SEC22C: variants seen among roughly 807,000 people sequenced by gnomAD.
SEC22C encodes the protein SEC22 homolog C, vesicle trafficking protein.
In SEC22C, 29 loss-of-function variants were observed where a neutral mutation model predicts 34.7. The observed-to-expected ratio is 0.84, with a 90% CI of 0.62 to 1.14. The LOEUF (loss-of-function observed/expected upper bound fraction) is 1.14. Among genes scored for constraint, SEC22C ranks in the 50% most tolerant of loss-of-function variants. The pLI, the probability that SEC22C is intolerant of heterozygous loss-of-function variation, is 0.00. For synonymous variants in SEC22C, 117 were observed against 132.8 expected (o/e 0.88, Z 0.82); for missense variants, 337 against 369.0 (o/e 0.91, Z 0.71).
chr3:42,585,209 A>G (rs916850780), upstream of SEC22C, among the ~76,000 whole-genome samples: 1 of 152,256 alleles, frequency 6.6e-6, no homozygotes, highest in African/African-American at 2.4e-5. Flanking sequence ...CGAGTGCTTT[A>G]GAACAGGACC....
Position 42,569,001 on chromosome 3 carries a change from G to A in SEC22C, c.46C>T (p.Leu16=), listed in dbSNP as rs572425224. ...AAATCAGTAGAGGCTGAGAGGGGCA[G>A]TCCATCCCTTACCCGTACCACGCAG... is the stretch of plus-strand genomic sequence containing the variant. The part of the protein sequence containing the change: ...FACVVRVRDG[L]PLSASTDFYH... Residue 16 remains leucine (L), a synonymous_variant, in exon 2 of 7, where the codon CTG becomes TTG. Transcript: ENST00000264454. 6.2e-7 allele frequency: 1 copy of A among 1,614,124 alleles called. No homozygotes were observed. The highest frequency in any genetic ancestry group is 1.1e-5 in the South Asian group (1 of 91,084).
upstream of SEC22C, among the ~76,000 whole-genome samples, chr3:42,583,217 A>C (rs1019753695): frequency 2.0e-5 from 3 of 152,254 alleles, no homozygotes; most frequent in Non-Finnish European, 4.4e-5. Flanking sequence ...AGAAGTCTCA[A>C]CAGAGCTATG....
chr3:42,569,610 C>A (rs1418041761), intron 1 of SEC22C, among the ~76,000 whole-genome samples: 2 of 152,128 alleles, frequency 1.3e-5, no homozygotes, highest in Non-Finnish European at 2.9e-5. Context: ...ATGCTGGTGA[C>A]AAGGAAAGCA....
chr3:42,579,683 T>C (rs1577354333), intron 1 of SEC22C: 2 of 152,080 alleles, frequency 1.3e-5, no homozygotes, highest in South Asian at 2.1e-4. Flanking sequence ...CTTCAGAATG[T>C]TCATACAAGA....
intron 1 of SEC22C, among the ~76,000 whole-genome samples, chr3:42,591,951 C>T (rs767438710): frequency 1.3e-5 from 2 of 152,134 alleles, no homozygotes; most frequent in Non-Finnish European, 2.9e-5. Flanking sequence ...TCTTGGATCC[C>T]TGCCTCATCC....
rs1231820843 is a variant in SEC22C, at chr3:42,563,641, G to C, written c.228C>G (p.Cys76Trp). The change falls in exon 3 of 7, where the codon TGC becomes TGG. Residue 76 changes from cysteine (C) to tryptophan (W), a missense_variant. Cys to Trp is a radical substitution (Grantham distance 215). Transcript: ENST00000264454. ...AGAAGGCCATGGCTGCTGGACACTG[G>C]CAGGAGCAGATAGCCATGCAGGCCA... is the stretch of plus-strand genomic sequence containing the variant. ...GDVACMAICS[C>W]QCPAAMAFCF... 1 of 1,614,124 alleles carries C rather than the reference G, an allele frequency of 6.2e-7. No homozygotes were observed. Among genetic ancestry groups the C allele is most frequent in the South Asian group, 1.1e-5 (1 of 91,078 alleles).
Position 42,577,834 on chromosome 3 carries a change from G to A in SEC22C, c.-28+4012C>T, listed in dbSNP as rs1348035551. Among the ~76,000 whole-genome samples, 5 of 152,238 alleles carry A rather than the reference G, an allele frequency of 3.3e-5. No homozygotes were observed. In the East Asian group the frequency reaches 7.7e-4, roughly 24 times the overall value. ...AAAATGCAAAAATTAGCTAGGCATG[G>A]TGGTGGGCACCTATAATCCCAGCTA... On this transcript the variant is annotated intron_variant, in intron 1 of 6. Transcript: ENST00000264454.
chr3:42,599,461 G>A (rs1189515245), intron 1 of SEC22C, among the ~76,000 whole-genome samples: 2 of 150,260 alleles, frequency 1.3e-5, no homozygotes, highest in Admixed American at 6.6e-5. Context: ...GGGAGGCCGA[G>A]GCGGGCGGAT....
upstream of SEC22C, among the ~76,000 whole-genome samples, chr3:42,584,392 T>A (rs1464278690): frequency 1.3e-5 from 2 of 152,172 alleles, no homozygotes; most frequent in African/African-American, 4.8e-5. Context: ...GTAGCTGGGA[T>A]TACAAGCATC....
At chr3:42,585,346 C>T (rs961154330), upstream of SEC22C, among the ~76,000 whole-genome samples, 1 of 152,318 alleles carries the variant, frequency 6.6e-6, no homozygotes, top group East Asian at 1.9e-4. Context: ...GCTCCAGGTT[C>T]ACAGTCAACT....
intron 6 of SEC22C, among the ~76,000 whole-genome samples, chr3:42,554,518 T>TC (rs1160747737): frequency 3.9e-5 from 6 of 152,120 alleles, no homozygotes; most frequent in Admixed American, 3.9e-4. Context: ...CTGATTTTTG[T>TC]ATTTTTATTA....
chr3:42,598,619 G>A (rs889969816), intron 1 of SEC22C, among the ~76,000 whole-genome samples: 3 of 151,758 alleles, frequency 2.0e-5, no homozygotes, highest in African/African-American at 7.3e-5. Context: ...GTGAGCCACC[G>A]CACCTAGCCT....
At chr3:42,585,408 C>T (rs1704578105), upstream of SEC22C, among the ~76,000 whole-genome samples, 1 of 152,218 alleles carries the variant, frequency 6.6e-6, no homozygotes, top group Non-Finnish European at 1.5e-5. Context: ...TAGGGTAACA[C>T]CCTGGACCAC....
intron 3 of SEC22C, 92 bp downstream of exon 3, chr3:42,563,431 T>C (rs552071189): frequency 1.8e-6 from 2 of 1,100,750 alleles, no homozygotes; most frequent in African/African-American, 1.6e-5. Context: ...CTCCAGTGGT[T>C]TTCCTTGATG....
intron 3 of SEC22C, among the ~76,000 whole-genome samples, chr3:42,561,545 T>G (rs1407296198): frequency 6.6e-6 from 1 of 152,062 alleles, no homozygotes; most frequent in Non-Finnish European, 1.5e-5. Flanking sequence ...CTGGCTAATT[T>G]TTTTCATTTT....
In SEC22C at chr3:42,553,356, C is replaced by G; in HGVS notation, c.804G>C (p.Gly268=). Residue 268 remains glycine (G), a synonymous_variant, in exon 7 of 7, where the codon GGG becomes GGC. Coordinates refer to ENST00000264454, the MANE Select transcript of SEC22C (RefSeq NM_032970.4). ...FICLGNMYLH[G]LRNLWQILFH... ...AAAGGATTTGCCAGAGGTTCCTCAG[C>G]CCGTGCAGGTACATGTTGCCCAGGC... 1 of 1,614,150 alleles carries G rather than the reference C, an allele frequency of 6.2e-7. No individual in the cohort carries two copies. Among genetic ancestry groups the G allele is most frequent in the East Asian group, 2.2e-5 (1 of 44,890 alleles).
At chr3:42,566,399 G>A (rs562495213) in intron 2 of SEC22C, among the ~76,000 whole-genome samples, 7 of 152,256 alleles carry the variant, frequency 4.6e-5, no homozygotes, top group South Asian at 2.1e-4. Context: ...ATTCAAGGCC[G>A]GGTGCGGTGG....
At position 42,563,539 on chromosome 3, in the gene SEC22C, G is replaced by GT. The variant is rs771335175; in HGVS notation, c.329dup (p.Tyr110Ter). The change falls in exon 3 of 7, where the codon TAC becomes TAAC. Residue 110 changes from tyrosine to a stop codon, truncating the protein, a stop_gained and frameshift_variant. Coordinates refer to ENST00000264454, the MANE Select transcript of SEC22C (RefSeq NM_032970.4). LOFTEE classifies it high-confidence loss of function. Reference protein sequence around the residue: ...TTCIGLASRPYAFLEFDSIIQ... With the variant: ...TTCIGLASRP ...GTTACAAACCAAACTCAAGAAAAGC[G>GT]TATGGCCTGGAGGCTAGGCCAATGC... 2.5e-6 allele frequency: 4 copies of GT among 1,612,242 alleles called. No individual in the cohort carries two copies. The South Asian group carries it at 4.4e-5, about 18-fold the overall frequency.
intron 1 of SEC22C, among the ~76,000 whole-genome samples, chr3:42,587,165 C>T (rs1022200101): frequency 1.1e-4 from 16 of 152,170 alleles, no homozygotes; most frequent in African/African-American, 2.9e-4. Context: ...TAACTTTCAC[C>T]ATGTTACAGC....
Sources: gnomAD v4.1 joint callset for allele counts (sites outside exome capture counted in the v4.1 genomes callset) on GRCh38, gnomAD v4.1.1 for gene constraint, MANE v1.5 for transcripts, NCBI Gene and HGNC (gene_info 2026-07-23, HGNC 2026-07-21) for gene names.